Variants in PRKN observed in about 807,000 individuals in gnomAD.
The protein encoded by PRKN is E3 ubiquitin-protein ligase parkin.
In PRKN, 56 loss-of-function variants were observed where a neutral mutation model predicts 59.5. The ratio of observed to expected loss-of-function variants is 0.94; its 90% CI spans 0.76 to 1.18. PRKN has a LOEUF of 1.18. PRKN is among the 50% of genes most tolerant of loss of function. The pLI, the probability that PRKN is intolerant of heterozygous loss-of-function variation, is 0.00. For missense variants in PRKN, 657 were observed against 596.4 expected, an observed-to-expected ratio of 1.10 and a Z score of -1.06; for synonymous variants, 250 against 222.1, an observed-to-expected ratio of 1.13 and a Z score of -1.12.
chr6:161,687,724 G>T (rs1785620362), intron 7 of PRKN, among the ~76,000 whole-genome samples: 1 of 151,886 alleles, frequency 6.6e-6, no homozygotes, highest in African/African-American at 2.4e-5. Context: ...TCAAAGTGCT[G>T]GGATTACAGG....
rs897075925 is a variant in PRKN, at chr6:162,024,927, T to C, written c.618+29164A>G. 8.5e-5 allele frequency among the ~76,000 whole-genome samples: 13 copies of C among 152,172 alleles called. No individual in the cohort carries two copies. In the South Asian group the frequency reaches 1.7e-3, roughly 19 times the overall value. On this transcript the variant is annotated intron_variant, in intron 5 of 11. Transcript: ENST00000366898. ...TCAGCACGTGCACCAAATAAGTCTT[T>C]TTTTATATTATGAAACATTTATTAC...
At chr6:162,210,836 A>G (rs1205787437) in intron 3 of PRKN, among the ~76,000 whole-genome samples, 1 of 152,218 alleles carries the variant, frequency 6.6e-6, no homozygotes, top group Non-Finnish European at 1.5e-5. Context: ...TTTAAAAAAA[A>G]GTATTTCCAA....
chr6:161,833,406 T>C (rs1442440472), intron 6 of PRKN, among the ~76,000 whole-genome samples: 1 of 152,186 alleles, frequency 6.6e-6, no homozygotes, highest in Non-Finnish European at 1.5e-5. Context: ...AGGTAGCTTA[T>C]AATATGAAGT....
intron 1 of PRKN, among the ~76,000 whole-genome samples, chr6:162,466,288 T>C (rs972144582): frequency 5.3e-5 from 8 of 152,320 alleles, no homozygotes; most frequent in African/African-American, 1.9e-4. Context: ...CTTGGCCTTG[T>C]CTTCAGGAGG....
At chr6:161,465,480 ATT>A (rs35572465) in intron 9 of PRKN, among the ~76,000 whole-genome samples, 1 of 141,572 alleles carries the variant, frequency 7.1e-6, no homozygotes. Flanking sequence ...TCTTTTGGGG[ATT>A]TTTTTTTTTT....
At chr6:161,779,732 T>G (rs1051186195) in intron 7 of PRKN, among the ~76,000 whole-genome samples, 5 of 152,148 alleles carry the variant, frequency 3.3e-5, no homozygotes, top group African/African-American at 4.8e-5. Context: ...CGTGAGTCAC[T>G]GTGCCCAGAC....
At chr6:161,679,441 C>T (rs1785217238) in intron 7 of PRKN, among the ~76,000 whole-genome samples, 1 of 152,044 alleles carries the variant, frequency 6.6e-6, no homozygotes, top group Non-Finnish European at 1.5e-5. Flanking sequence ...CGGGAGGAAC[C>T]CCACACTCTG....
At chr6:161,974,462 T>G (rs1181243383) in intron 5 of PRKN, among the ~76,000 whole-genome samples, 3 of 152,172 alleles carry the variant, frequency 2.0e-5, no homozygotes, top group African/African-American at 4.8e-5. Flanking sequence ...GCTTTTCACA[T>G]AGGTCACGTT....
chr6:162,710,811 G>A lies in PRKN; in HGVS notation c.7+16851C>T, dbSNP rs980461503. Reference sequence around the variant, plus strand: ...GTTATCCTGCAACTAAGCTCTTGTGGAGAAAAATGAACAGCTGAAATCCCA... The same window carrying A: ...GTTATCCTGCAACTAAGCTCTTGTGAAGAAAAATGAACAGCTGAAATCCCA... On this transcript the variant is annotated intron_variant, in intron 1 of 11. Transcript: ENST00000366898. Among the ~76,000 whole-genome samples, 23 of 152,124 alleles carry A rather than the reference G, an allele frequency of 1.5e-4. 1 individual carries two copies. The highest frequency in any genetic ancestry group is 1.2e-3 in the Admixed American group (18 of 15,272).
rs1035880417 is a variant in PRKN, at chr6:161,447,125, G to A, written c.1084-60248C>T. ...TTTTCCTTCTCACCCCACACTGAGC[G>A]TTACTATAGCAACATCTTTCCTGCT... On this transcript the variant is annotated intron_variant, in intron 9 of 11. Transcript: ENST00000366898. This position sits in a 1 kb window ranked among gnomAD's most constrained non-coding sequence, Gnocchi z 4.1. Among the ~76,000 whole-genome samples, 6 of 152,168 alleles carry A rather than the reference G, an allele frequency of 3.9e-5. No homozygotes were observed. The highest frequency in any genetic ancestry group is 5.9e-5 in the Non-Finnish European group (4 of 68,034).
chr6:161,392,374 A>C, intron 9 of PRKN, among the ~76,000 whole-genome samples: 1 of 151,352 alleles, frequency 6.6e-6, no homozygotes, highest in Non-Finnish European at 1.5e-5. Context: ...ACAGGGTGAG[A>C]CTCTGTCTCC....
chr6:162,072,977 G>C (rs79050994), intron 4 of PRKN, among the ~76,000 whole-genome samples: 3,220 of 152,302 alleles, frequency 0.021, 82 homozygotes, highest in African/African-American at 0.061. Context: ...TCTAAGTTCA[G>C]GATGCAATTT....
At chr6:162,009,446 C>A (rs1782393761) in intron 5 of PRKN, among the ~76,000 whole-genome samples, 1 of 151,720 alleles carries the variant, frequency 6.6e-6, no homozygotes, top group Non-Finnish European at 1.5e-5. Context: ...AATGAAAAAA[C>A]AAACCCACAA....
intron 1 of PRKN, among the ~76,000 whole-genome samples, chr6:162,615,566 G>A (rs1429492008): frequency 6.6e-6 from 1 of 152,090 alleles, no homozygotes; most frequent in African/African-American, 2.4e-5. Flanking sequence ...CCCCAGCAAG[G>A]TCAAAAGTCT....
chr6:162,500,467 C>T (rs541373112), intron 1 of PRKN, among the ~76,000 whole-genome samples: 4 of 152,286 alleles, frequency 2.6e-5, no homozygotes, highest in Admixed American at 6.5e-5. Flanking sequence ...CCACTGCGCC[C>T]GGCCCAAACA....
chr6:161,699,014 G>A (rs555695733), intron 7 of PRKN, among the ~76,000 whole-genome samples: 2 of 152,194 alleles, frequency 1.3e-5, no homozygotes, highest in Admixed American at 6.5e-5. Context: ...TGTAACTAGA[G>A]TATAGAAATC....
At chr6:161,720,749 T>C (rs773894569) in intron 7 of PRKN, among the ~76,000 whole-genome samples, 2 of 143,868 alleles carry the variant, frequency 1.4e-5, no homozygotes, top group Non-Finnish European at 3.0e-5. Flanking sequence ...TATATTCTCA[T>C]AGGTACTTTT....
chr6:162,436,965 G>A (rs1789802973), intron 2 of PRKN, among the ~76,000 whole-genome samples: 2 of 152,070 alleles, frequency 1.3e-5, no homozygotes, highest in East Asian at 2.0e-4. Context: ...GGTAGCGGGC[G>A]CCTGTAATCC....
intron 2 of PRKN, among the ~76,000 whole-genome samples, chr6:162,424,748 A>G (rs147910666): frequency 1.8e-3 from 271 of 151,854 alleles, no homozygotes; most frequent in African/African-American, 6.2e-3. Context: ...GAAAAAAAAA[A>G]AAAAGAAAAG....
Sources: gnomAD v4.1 joint callset for allele counts (sites outside exome capture counted in the v4.1 genomes callset) on GRCh38, gnomAD v4.1.1 for gene constraint, Gnocchi (gnomAD v3.1) non-coding constraint, MANE v1.5 for transcripts, NCBI Gene and HGNC (gene_info 2026-07-23, HGNC 2026-07-21) for gene names.